ERC1: variants seen among roughly 807,000 people sequenced by gnomAD.
ERC1 encodes RAB6 interacting protein 2.
ERC1 carries 56 observed loss-of-function variants against 132.0 expected under a neutral mutation model. The observed-to-expected ratio is 0.42, with a 90% confidence interval of 0.34 to 0.53. ERC1 has a LOEUF of 0.53. Ranked by LOEUF, ERC1 falls within the 20% of genes least tolerant of loss-of-function variation. The probability of loss-of-function intolerance (pLI) is 0.03; values close to 1 mark genes in which losing one functional copy is unlikely to be tolerated. For missense variants in ERC1, 1,202 were observed against 1,349.9 expected, an observed-to-expected ratio of 0.89 and a Z score of 1.72; for synonymous variants, 478 against 476.1, an observed-to-expected ratio of 1.00 and a Z score of -0.05.
intron 17 of ERC1, chr12:1,410,381 C>G (rs879161820): frequency 7.7e-7 from 1 of 1,306,520 alleles, no homozygotes; most frequent in South Asian, 1.2e-5. Context: ...TCATCTCTCT[C>G]CCTGTAGGAT....
intron 14 of ERC1, among the ~76,000 whole-genome samples, chr12:1,280,605 C>T (rs2078613840): frequency 6.6e-6 from 1 of 152,200 alleles, no homozygotes; most frequent in Admixed American, 6.5e-5. Context: ...CCACAAGTAT[C>T]CACTCACCAC....
At chr12:1,100,171 T>A (rs529279806) in intron 3 of ERC1, among the ~76,000 whole-genome samples, 1 of 151,920 alleles carries the variant, frequency 6.6e-6, no homozygotes, top group African/African-American at 2.4e-5. Context: ...TTGAACAGAC[T>A]TCAACAGTTA....
chr12:1,395,975 A>G (rs11061748), intron 16 of ERC1, among the ~76,000 whole-genome samples: 44,418 of 151,712 alleles, frequency 0.29, 6,730 homozygotes, highest in Middle Eastern at 0.35. Flanking sequence ...ATAAGTGAAT[A>G]TCCATAATCA....
rs375188789 is a variant in ERC1, at chr12:1,444,641, A to G, written c.3104A>G (p.His1035Arg). 1 of 1,614,038 alleles carries G rather than the reference A, an allele frequency of 6.2e-7. No individual in the cohort carries two copies. The highest frequency in any genetic ancestry group is 1.3e-5 in the African/African-American group (1 of 74,920). Reference protein sequence around the residue: ...LYIGHLTTLCHDRDPLILRGL... With the variant: ...LYIGHLTTLCRDRDPLILRGL... Reference sequence around the variant, plus strand: ...ATTGGACACCTGACAACCCTCTGCCATGACCGAGACCCCCTGATCCTCCGT... The same window carrying G: ...ATTGGACACCTGACAACCCTCTGCCGTGACCGAGACCCCCTGATCCTCCGT... The change falls in exon 18 of 19, where the codon CAT (histidine) becomes CGT (arginine). Residue 1035 changes from histidine (H) to arginine (R), a missense_variant. By Grantham distance (29) the His-to-Arg change is conservative (BLOSUM62 0). Transcript: ENST00000360905.
At chr12:1,181,516 T>A (rs951430261) in intron 9 of ERC1, among the ~76,000 whole-genome samples, 2 of 152,152 alleles carry the variant, frequency 1.3e-5, no homozygotes, top group Non-Finnish European at 2.9e-5. Flanking sequence ...AAATGTATTC[T>A]GGCCAGGCAC....
At chr12:1,225,403 T>G (rs1242848354) in intron 12 of ERC1, among the ~76,000 whole-genome samples, 1 of 148,874 alleles carries the variant, frequency 6.7e-6, no homozygotes, top group Non-Finnish European at 1.5e-5. Context: ...TGAGCTATGA[T>G]CACGCCACTC....
At chr12:1,158,644 G>A (rs1458264658) in intron 8 of ERC1, among the ~76,000 whole-genome samples, 1 of 150,732 alleles carries the variant, frequency 6.6e-6, no homozygotes, top group Non-Finnish European at 1.5e-5. Context: ...GTAGAGATGG[G>A]GTTTCTCCAT....
chr12:1,010,921 G>C (rs562644517), intron 1 of ERC1, among the ~76,000 whole-genome samples: 3 of 151,992 alleles, frequency 2.0e-5, no homozygotes, highest in African/African-American at 4.8e-5. Flanking sequence ...TTTATAATGC[G>C]TACCCATGCG....
At chr12:1,469,482 A>G (rs963550906) in intron 18 of ERC1, among the ~76,000 whole-genome samples, 2 of 152,270 alleles carry the variant, frequency 1.3e-5, no homozygotes, top group Non-Finnish European at 2.9e-5. Context: ...GAGGCAAAGA[A>G]GAAGGACCTG....
chr12:1,424,841 AGATGATAGATAGATAGATAGATC>A (rs1565411050), intron 17 of ERC1, among the ~76,000 whole-genome samples: 2,193 of 104,084 alleles, frequency 0.021, 28 homozygotes, highest in African/African-American at 0.048. Flanking sequence ...ATAGATAGAT[AGATGATAGATAGATAGATAGATC>A]GATAGATAGA....
At chr12:1,207,673 A>G (rs1957468662) in intron 12 of ERC1, among the ~76,000 whole-genome samples, 1 of 152,214 alleles carries the variant, frequency 6.6e-6, no homozygotes, top group Non-Finnish European at 1.5e-5. Flanking sequence ...TAACTCTTCT[A>G]CTGAAAATGA....
At chr12:1,268,055 A>G (rs7976995) in intron 14 of ERC1, among the ~76,000 whole-genome samples, 9,084 of 152,246 alleles carry the variant, frequency 0.06, 915 homozygotes, top group African/African-American at 0.21. Flanking sequence ...CATTTATGCA[A>G]CAGTTATCAC....
rs542163686 is a variant in ERC1 at position 1,279,720 on chromosome 12, G to T, written c.2620-10132G>T. ...TTATTTTTTTTTGAGACGGAGTCTC[G>T]CTCTGTCGCCCAGGCCGGACTGCGG... On this transcript the variant is annotated intron_variant, in intron 14 of 18. Coordinates refer to ENST00000360905, the MANE Select transcript of ERC1 (RefSeq NM_178040.4). 2.7e-5 allele frequency among the ~76,000 whole-genome samples: 4 copies of T among 147,726 alleles called. No individual in the cohort carries two copies. The East Asian group carries it at 7.9e-4, about 29-fold the overall frequency.
chr12:1,458,525 T>C (rs2154419714), intron 18 of ERC1, among the ~76,000 whole-genome samples: 1 of 151,814 alleles, frequency 6.6e-6, no homozygotes, highest in African/African-American at 2.4e-5. Context: ...TATACACATG[T>C]ATGTATTTTC....
chr12:1,095,151 C>T (rs1019701701), intron 3 of ERC1, among the ~76,000 whole-genome samples: 2 of 152,078 alleles, frequency 1.3e-5, no homozygotes, highest in African/African-American at 4.8e-5. Flanking sequence ...TTTTGTTTCT[C>T]AGGCGTGGTG....
chr12:1,358,238 C>CTT lies in ERC1; in HGVS notation c.2781-13584_2781-13583dup, dbSNP rs573171500. Among the ~76,000 whole-genome samples the CTT allele has an allele frequency of 3.1e-3, 441 of 142,172 alleles. 5 individuals are homozygous for CTT. The highest frequency in any genetic ancestry group is 0.011 in the African/African-American group (415 of 38,588). 93.3% of individuals were successfully genotyped at this position (142,172 alleles called of 152,430 possible). A position where few individuals can be genotyped will look rare whatever the true frequency, so the allele number is the denominator to read the frequency against. The stretch of plus-strand genomic sequence containing the variant: ...GTTCAAAAAAAAAAAAAACACTAAA[C>CTT]TTTTTTTTTTTTCAAATAATACATT... On this transcript the variant is annotated intron_variant, in intron 15 of 18. Coordinates refer to ENST00000360905, the MANE Select transcript of ERC1 (RefSeq NM_178040.4).
At chr12:1,190,294 A>C (rs1235451666) in intron 12 of ERC1, 1 of 611,380 alleles carries the variant, frequency 1.6e-6, no homozygotes, top group African/African-American at 1.8e-5. Flanking sequence ...ATTGGCAAAA[A>C]AGAGAGTATT....
intron 16 of ERC1, chr12:1,380,046 A>G (rs2088451801): frequency 6.6e-6 from 1 of 152,272 alleles, no homozygotes; most frequent in Non-Finnish European, 1.5e-5. Context: ...TCGCAAAGAC[A>G]CACCGAGCAA....
intron 2 of ERC1, among the ~76,000 whole-genome samples, chr12:1,047,279 G>GC (rs1265519094): frequency 6.6e-6 from 1 of 151,904 alleles, no homozygotes; most frequent in Non-Finnish European, 1.5e-5. Context: ...TAAGGCATAA[G>GC]CCCCCCGTCA....
Sources: allele counts gnomAD v4.1 joint callset (sites outside exome capture counted in the v4.1 genomes callset), GRCh38; gene constraint gnomAD v4.1.1; transcripts MANE v1.5; gene names NCBI Gene and HGNC (gene_info 2026-07-23, HGNC 2026-07-21).